The following CORO2B variants were observed in gnomAD, a reference collection of about 807,000 sequenced individuals.
CORO2B encodes the protein coronin-2B.
CORO2B carries 26 observed loss-of-function variants against 58.8 expected under a neutral mutation model. That is an observed-to-expected ratio of 0.44 (90% confidence interval 0.32 to 0.61). The LOEUF (loss-of-function observed/expected upper bound fraction) is 0.61. Ranked by LOEUF, CORO2B falls within the 20% of genes least tolerant of loss-of-function variation. The probability of loss-of-function intolerance (pLI) is 0.04; values close to 1 mark genes in which losing one functional copy is unlikely to be tolerated. For missense variants in CORO2B, 460 were observed against 645.1 expected, an observed-to-expected ratio of 0.71 and a Z score of 3.11; for synonymous variants, 242 against 253.8, an observed-to-expected ratio of 0.95 and a Z score of 0.44.
the CORO2B span, among the ~76,000 whole-genome samples, chr15:68,550,868 T>C: frequency 2.6e-5 from 4 of 151,806 alleles, no homozygotes; most frequent in Admixed American, 1.3e-4. Flanking sequence ...CCTGCAGCCA[T>C]GAGAGAGCCA....
At chr15:68,654,243 AG>A (rs1176052262) in intron 2 of CORO2B, among the ~76,000 whole-genome samples, 1 of 152,190 alleles carries the variant, frequency 6.6e-6, no homozygotes, top group Non-Finnish European at 1.5e-5. Flanking sequence ...TTTTATTACA[AG>A]GTTATGGGAT....
At chr15:68,597,136 C>T (rs1899853130) in intron 1 of CORO2B, among the ~76,000 whole-genome samples, 1 of 151,692 alleles carries the variant, frequency 6.6e-6, no homozygotes, top group Admixed American at 6.6e-5. Context: ...TTGCGTAAAA[C>T]CAAAGAGCAA....
At chr15:68,527,623 CT>C in the CORO2B span, among the ~76,000 whole-genome samples, 1 of 152,048 alleles carries the variant, frequency 6.6e-6, no homozygotes, top group Non-Finnish European at 1.5e-5. Flanking sequence ...CTTTGTTTTT[CT>C]TTTTCAAAAT....
chr15:68,612,223 G>A (rs796886429), intron 1 of CORO2B, among the ~76,000 whole-genome samples: 14 of 152,352 alleles, frequency 9.2e-5, no homozygotes, highest in African/African-American at 3.1e-4. Context: ...CACATTGAAA[G>A]GGTCTAAAAG....
intron 1 of CORO2B, 44 bp downstream of exon 1, chr15:68,579,321 G>C: frequency 7.9e-7 from 1 of 1,270,884 alleles, no homozygotes; most frequent in Non-Finnish European, 9.9e-7. Flanking sequence ...GCCGGCGCCT[G>C]CATCCCCCGG....
chr15:68,656,178 C>T (rs1010831850), intron 2 of CORO2B, among the ~76,000 whole-genome samples: 5 of 67,906 alleles, frequency 7.4e-5, no homozygotes, highest in Non-Finnish European at 1.1e-4. Context: ...GTCCCCCCCG[C>T]CCCCCGACCC....
At chr15:68,695,379 T>G in intron 3 of CORO2B, 123 bp downstream of exon 3, 1 of 731,708 alleles carries the variant, frequency 1.4e-6, no homozygotes. Flanking sequence ...TTTGTCATCT[T>G]TCCAGCAAGC....
chr15:68,654,544 T>C (rs545867301), intron 2 of CORO2B, among the ~76,000 whole-genome samples: 1 of 152,370 alleles, frequency 6.6e-6, no homozygotes, highest in African/African-American at 2.4e-5. Context: ...ATTTTCCTTC[T>C]AGGGCCTGGA....
chr15:68,693,358 A>C (rs1376434900), intron 2 of CORO2B, among the ~76,000 whole-genome samples: 1 of 152,230 alleles, frequency 6.6e-6, no homozygotes, highest in Non-Finnish European at 1.5e-5. Flanking sequence ...AGGCATGTGC[A>C]GTAGCAAGGG....
In CORO2B at chr15:68,645,057, C is replaced by T. The variant is rs567259966; in HGVS notation, c.16-103C>T. 1 of 1,215,670 alleles carries T rather than the reference C, an allele frequency of 8.2e-7. No homozygotes were observed. Among genetic ancestry groups the T allele is most frequent in the South Asian group, 1.5e-5 (1 of 68,534 alleles). 75.3% of individuals were successfully genotyped at this position (1,215,670 alleles called of 1,614,324 possible). ...GACAGGGGACCCAGGGCCTGCTCAC[C>T]TGCTGCACCTCTGAGCCGCAGCTTC... is the stretch of plus-strand genomic sequence containing the variant. On this transcript the variant is annotated intron_variant, in intron 1 of 11. Transcript: ENST00000261861. This position sits in a 1 kb window ranked among gnomAD's most constrained non-coding sequence, Gnocchi z 4.5.
intron 1 of CORO2B, among the ~76,000 whole-genome samples, chr15:68,634,160 C>A (rs989622558): frequency 6.6e-6 from 1 of 152,318 alleles, no homozygotes; most frequent in East Asian, 1.9e-4. Context: ...AGGAGTAGGA[C>A]CTGCTGTGGA....
At chr15:68,557,545 G>A in the CORO2B span, among the ~76,000 whole-genome samples, 15 of 152,238 alleles carry the variant, frequency 9.9e-5, no homozygotes, top group Admixed American at 7.9e-4. Flanking sequence ...GAAAATGGCA[G>A]TGCAGGGATG....
At chr15:68,551,721 C>G in the CORO2B span, among the ~76,000 whole-genome samples, 1 of 152,200 alleles carries the variant, frequency 6.6e-6, no homozygotes, top group East Asian at 1.9e-4. Flanking sequence ...AGACTAAGGT[C>G]TATTTTTAAA....
At chr15:68,646,089 T>A (rs987055775) in intron 2 of CORO2B, among the ~76,000 whole-genome samples, 3 of 152,102 alleles carry the variant, frequency 2.0e-5, no homozygotes, top group African/African-American at 4.8e-5. Flanking sequence ...ATTTTTTTTT[T>A]AATTGCTCTC....
At chr15:68,598,677 T>C (rs1276834378) in intron 1 of CORO2B, among the ~76,000 whole-genome samples, 2 of 152,202 alleles carry the variant, frequency 1.3e-5, no homozygotes, top group Non-Finnish European at 2.9e-5. Flanking sequence ...CTTTGGAGTT[T>C]TAATTCTACC....
chr15:68,618,341 G>GTATTA (rs1342043131), intron 1 of CORO2B, among the ~76,000 whole-genome samples: 1 of 152,172 alleles, frequency 6.6e-6, no homozygotes, highest in African/African-American at 2.4e-5. Context: ...TACACATGTT[G>GTATTA]TATTACATGT....
chr15:68,544,877 C>T, the CORO2B span, among the ~76,000 whole-genome samples: 4 of 151,962 alleles, frequency 2.6e-5, no homozygotes, highest in East Asian at 3.9e-4. Flanking sequence ...CCGGGGTTCA[C>T]GCCATTCTCC....
intron 1 of CORO2B, among the ~76,000 whole-genome samples, chr15:68,612,500 G>C (rs190329238): frequency 6.6e-6 from 1 of 152,324 alleles, no homozygotes; most frequent in African/African-American, 2.4e-5. Context: ...TCTGAGGTCT[G>C]GGGTAGAGCA....
intron 1 of CORO2B, among the ~76,000 whole-genome samples, chr15:68,583,572 A>T (rs1002901322): frequency 1.3e-5 from 2 of 152,160 alleles, no homozygotes; most frequent in Non-Finnish European, 2.9e-5. Flanking sequence ...TCTGCCCTAG[A>T]TGGAAGAAGC....
Sources: allele counts gnomAD v4.1 joint callset (sites outside exome capture counted in the v4.1 genomes callset), GRCh38; gene constraint gnomAD v4.1.1; non-coding constraint Gnocchi (gnomAD v3.1); transcripts MANE v1.5; gene names NCBI Gene and HGNC (gene_info 2026-07-23, HGNC 2026-07-21).